Variants in CYP4F12 observed in about 807,000 individuals in gnomAD.
CYP4F12 encodes cytochrome P450 4F12.
Under a neutral mutation model 56.5 loss-of-function variants are expected in CYP4F12, and 60 were observed. The ratio of observed to expected loss-of-function variants is 1.06; its 90% CI spans 0.86 to 1.32. CYP4F12 has a LOEUF of 1.32. Among genes scored for constraint, CYP4F12 ranks in the 40% most tolerant of loss-of-function variants. CYP4F12 has a pLI of 0.00. For synonymous variants in CYP4F12, 263 were observed against 264.9 expected (o/e 0.99, Z 0.07); for missense variants, 711 against 683.5 (o/e 1.04, Z -0.45).
At chr19:15,674,833 T>C (rs974159854) in intron 2 of CYP4F12, among the ~76,000 whole-genome samples, 3 of 152,184 alleles carry the variant, frequency 2.0e-5, no homozygotes, top group Non-Finnish European at 4.4e-5. Flanking sequence ...TTCCCTACCG[T>C]AGTGCCCCTC....
intron 9 of CYP4F12, among the ~76,000 whole-genome samples, chr19:15,695,010 C>T (rs1299062012): frequency 1.3e-5 from 2 of 152,038 alleles, no homozygotes; most frequent in Admixed American, 1.3e-4. Context: ...GGGTATATAC[C>T]CAAAGGACTA....
At chr19:15,687,012 T>TA (rs2007641528) in intron 9 of CYP4F12, among the ~76,000 whole-genome samples, 1 of 152,224 alleles carries the variant, frequency 6.6e-6, no homozygotes, top group Non-Finnish European at 1.5e-5. Flanking sequence ...TGAGCTTTCC[T>TA]CATGCCTGTA....
chr19:15,686,692 G>A (rs1457017058), intron 9 of CYP4F12, among the ~76,000 whole-genome samples: 3 of 152,176 alleles, frequency 2.0e-5, no homozygotes, highest in African/African-American at 7.2e-5. Context: ...ACAAGTGGTT[G>A]AGCAGGGGAG....
chr19:15,677,169 C>CTCA (rs2144710273), intron 2 of CYP4F12, among the ~76,000 whole-genome samples: 3 of 121,430 alleles, frequency 2.5e-5, no homozygotes, highest in Admixed American at 8.2e-5. Flanking sequence ...TCATTCCTCT[C>CTCA]CTCACTAATT....
intron 9 of CYP4F12, among the ~76,000 whole-genome samples, chr19:15,688,555 C>T (rs142386938): frequency 7.4e-4 from 112 of 152,150 alleles, no homozygotes; most frequent in African/African-American, 1.7e-3. Flanking sequence ...ACAGATTTAA[C>T]GCAATGCCTA....
At chr19:15,693,436 TACC>T (rs1449063237) in intron 9 of CYP4F12, among the ~76,000 whole-genome samples, 2 of 152,332 alleles carry the variant, frequency 1.3e-5, no homozygotes, top group Admixed American at 6.5e-5. Context: ...ATACATTTAC[TACC>T]ACATTTCAAA....
rs76798225 is a variant in CYP4F12 at position 15,684,923 on chromosome 19, C to G, written c.985+41C>G. 4.5e-3 allele frequency: 7,091 copies of G among 1,572,422 alleles called. 66 individuals are homozygous for G. The African/African-American group carries it at 0.085, about 19-fold the overall frequency. ...TGGGACTACAGTGGAGACAGAGGTC[C>G]CTCCATCTCAGGATCCGGGTGGGTG... On this transcript the variant is annotated intron_variant, in intron 8 of 12. Coordinates refer to ENST00000550308, the MANE Select transcript of CYP4F12 (RefSeq NM_023944.4).
chr19:15,691,181 T>C (rs2007851616), intron 9 of CYP4F12, among the ~76,000 whole-genome samples: 1 of 152,202 alleles, frequency 6.6e-6, no homozygotes, highest in Non-Finnish European at 1.5e-5. Flanking sequence ...CTAGTGATCC[T>C]TTTTTTCTCC....
chr19:15,679,518 T>C (rs2007168027), intron 3 of CYP4F12, among the ~76,000 whole-genome samples: 1 of 152,240 alleles, frequency 6.6e-6, no homozygotes, highest in African/African-American at 2.4e-5. Flanking sequence ...ATATCTTTTC[T>C]GTTTAACCTG....
At chr19:15,685,893 G>C (rs1170386479) in intron 9 of CYP4F12, among the ~76,000 whole-genome samples, 1 of 152,196 alleles carries the variant, frequency 6.6e-6, no homozygotes, top group Non-Finnish European at 1.5e-5. Context: ...GGGGGTAAAA[G>C]TCATCTATCT....
rs537603228 is a variant in CYP4F12 at position 15,696,841 on chromosome 19, G to T, written c.1398-67G>T. On this transcript the variant is annotated intron_variant, in intron 12 of 12. Transcript: ENST00000550308. ...GGTGCAGTTGGGGGTCCCAGGCCAGGTTCCTGGGTTGATGGGACCCAAATG... is the reference window on the plus strand; with the variant it reads ...GGTGCAGTTGGGGGTCCCAGGCCAGTTTCCTGGGTTGATGGGACCCAAATG... The T allele has an allele frequency of 6.5e-4, 1,001 of 1,529,460 alleles. 5 individuals are homozygous for T. The African/African-American group carries it at 6.8e-3, about 10-fold the overall frequency. 94.7% of individuals were successfully genotyped at this position (1,529,460 alleles called of 1,614,324 possible). A position where few individuals can be genotyped will look rare whatever the true frequency, so the allele number is the denominator to read the frequency against.
intron 2 of CYP4F12, among the ~76,000 whole-genome samples, 184 bp downstream of exon 2, chr19:15,673,911 C>T (rs1423144087): frequency 0.019 from 29 of 1,518 alleles, no homozygotes; most frequent in Admixed American, 0.033. Context: ...ACTCCTCTAC[C>T]CACTCACTCA....
chr19:15,680,217 G>A (rs769940078), intron 3 of CYP4F12, 27 bp from the exon 4 acceptor site: 4 of 1,579,142 alleles, frequency 2.5e-6, no homozygotes, highest in Middle Eastern at 1.7e-4. Flanking sequence ...CCTCTACATG[G>A]CCCCTGATGG....
At chr19:15,689,438 A>G (rs1295041599) in intron 9 of CYP4F12, among the ~76,000 whole-genome samples, 1 of 152,242 alleles carries the variant, frequency 6.6e-6, no homozygotes, top group African/African-American at 2.4e-5. Context: ...AAGAATGGCC[A>G]TAATTAAAAA....
At chr19:15,687,819 C>T (rs2144746497) in intron 9 of CYP4F12, among the ~76,000 whole-genome samples, 1 of 152,322 alleles carries the variant, frequency 6.6e-6, no homozygotes, top group South Asian at 2.1e-4. Context: ...CAGGCATTCA[C>T]AATCTCCAGC....
intron 5 of CYP4F12, chr19:15,680,815 T>G (rs1219604667): frequency 4.9e-6 from 2 of 404,402 alleles, no homozygotes; most frequent in Non-Finnish European, 9.4e-6. Context: ...TATAAACCAC[T>G]TCAGAACTCA....
chr19:15,682,129 A>T, intron 5 of CYP4F12: 1 of 349,792 alleles, frequency 2.9e-6, no homozygotes, highest in Non-Finnish European at 5.5e-6. Context: ...AGAGGAGGGC[A>T]ATATGTTGAC....
chr19:15,697,083 T>C lies in CYP4F12; in HGVS notation c.1573T>C (p.Ter525ArgextTer15). The C allele has an allele frequency of 6.2e-7, 1 of 1,611,440 alleles. No individual in the cohort carries two copies. The highest frequency in any genetic ancestry group is 8.5e-7 in the Non-Finnish European group (1 of 1,177,958). Reference protein sequence around the residue: ...RVEPLNVSLQ* With the variant: ...RVEPLNVSLQR Reference sequence around the variant, plus strand: ...GGAGCCCCTGAATGTAAGCTTGCAGTGACTTTCTGACCCATCCACCTGTTT... The same window carrying C: ...GGAGCCCCTGAATGTAAGCTTGCAGCGACTTTCTGACCCATCCACCTGTTT... Residue 525 changes from the stop codon to arginine, a stop_lost, in exon 13 of 13, where the codon TGA (stop) becomes CGA (arginine). Transcript: ENST00000550308.
At chr19:15,687,082 C>T (rs1158533229) in intron 9 of CYP4F12, among the ~76,000 whole-genome samples, 3 of 152,134 alleles carry the variant, frequency 2.0e-5, no homozygotes, top group African/African-American at 7.2e-5. Context: ...TCGAGACCAT[C>T]CTGGCTAACA....
Sources: allele counts gnomAD v4.1 joint callset (sites outside exome capture counted in the v4.1 genomes callset), GRCh38; gene constraint gnomAD v4.1.1; transcripts MANE v1.5; gene names NCBI Gene and HGNC (gene_info 2026-07-23, HGNC 2026-07-21).